The following SORCS1 variants were observed in gnomAD, a reference collection of about 807,000 sequenced individuals.
SORCS1 encodes VPS10 domain-containing receptor SorCS1.
A neutral mutation model predicts 146.1 loss-of-function variants in SORCS1; 60 were observed. The observed-to-expected ratio is 0.41, with a 90% confidence interval of 0.33 to 0.51. The LOEUF (loss-of-function observed/expected upper bound fraction) is 0.51, where lower values mean the gene tolerates loss of function less well. Ranked by LOEUF, SORCS1 falls within the 20% of genes least tolerant of loss-of-function variation. SORCS1 has a pLI of 0.21. For missense variants in SORCS1, 1,352 were observed against 1,487.6 expected, an observed-to-expected ratio of 0.91 and a Z score of 1.50; for synonymous variants, 637 against 584.0, an observed-to-expected ratio of 1.09 and a Z score of -1.31.
rs966690897 is a variant in SORCS1, at chr10:106,785,723, C to T, written c.727-9031G>A. Among the ~76,000 whole-genome samples the T allele has an allele frequency of 2.0e-5, 3 of 152,158 alleles. No individual in the cohort carries two copies. The East Asian group carries it at 5.8e-4, about 29-fold the overall frequency. On this transcript the variant is annotated intron_variant, in intron 3 of 25. Transcript: ENST00000263054. ...TTCCTGAAAAGACTACGGAGACCAC[C>T]AGGGATTTCTCTTATACAGGATTTG...
At chr10:107,114,859 C>G (rs976958502) in intron 1 of SORCS1, among the ~76,000 whole-genome samples, 1 of 152,010 alleles carries the variant, frequency 6.6e-6, no homozygotes, top group Non-Finnish European at 1.5e-5. Context: ...AAAACTTAAA[C>G]ATTCTACCAA....
At position 106,871,723 on chromosome 10, in the gene SORCS1, A is replaced by G. The variant is rs548670070; in HGVS notation, c.627-42050T>C. ...TCATGAACACCAACAAGGGAATAAT[A>G]GATTCTGGGGTGTAATTGAAGGTGG... On this transcript the variant is annotated intron_variant, in intron 2 of 25. Transcript: ENST00000263054. 4.6e-5 allele frequency among the ~76,000 whole-genome samples: 7 copies of G among 152,314 alleles called. No individual in the cohort carries two copies. The South Asian group carries it at 1.2e-3, about 27-fold the overall frequency.
chr10:107,008,811 C>G (rs1957562223), intron 1 of SORCS1, among the ~76,000 whole-genome samples: 1 of 152,272 alleles, frequency 6.6e-6, no homozygotes, highest in Non-Finnish European at 1.5e-5. Context: ...TCCTGGCCAA[C>G]ATGGTGAAAC....
chr10:106,944,309 T>G (rs1276862843), intron 2 of SORCS1, among the ~76,000 whole-genome samples: 1 of 152,216 alleles, frequency 6.6e-6, no homozygotes, highest in East Asian at 1.9e-4. Context: ...ACACACAGAC[T>G]GTATTGTGAT....
intron 1 of SORCS1, among the ~76,000 whole-genome samples, chr10:107,010,173 G>C (rs1957635349): frequency 6.6e-6 from 1 of 152,234 alleles, no homozygotes; most frequent in African/African-American, 2.4e-5. Flanking sequence ...AAGCCATGGA[G>C]TTTGTAAGCA....
At chr10:106,623,937 G>GC (rs1465480105) in intron 19 of SORCS1, among the ~76,000 whole-genome samples, 2 of 151,888 alleles carry the variant, frequency 1.3e-5, no homozygotes, top group Non-Finnish European at 2.9e-5. Context: ...ACCCACCTCG[G>GC]CCCCCCCAAA....
At chr10:106,704,028 A>G (rs755102493) in intron 8 of SORCS1, among the ~76,000 whole-genome samples, 7 of 152,116 alleles carry the variant, frequency 4.6e-5, no homozygotes, top group Non-Finnish European at 8.8e-5. Flanking sequence ...TCAAAGTAAA[A>G]CTTTTTCCTT....
At chr10:106,613,532 A>C (rs1190061333) in intron 21 of SORCS1, among the ~76,000 whole-genome samples, 2 of 152,130 alleles carry the variant, frequency 1.3e-5, no homozygotes, top group Admixed American at 1.3e-4. Flanking sequence ...TGGAAGGTGG[A>C]GCCCTAGCCC....
chr10:106,992,785 T>C (rs183574161), intron 1 of SORCS1, among the ~76,000 whole-genome samples: 23 of 147,744 alleles, frequency 1.6e-4, no homozygotes, highest in African/African-American at 5.5e-4. Flanking sequence ...CATGCACCAC[T>C]ACACCAGGCC....
intron 16 of SORCS1, among the ~76,000 whole-genome samples, chr10:106,668,082 T>C (rs1851307685): frequency 6.6e-6 from 1 of 152,176 alleles, no homozygotes; most frequent in Admixed American, 6.5e-5. Context: ...TGTGCTCTCA[T>C]TAGAACGATA....
chr10:106,715,031 C>T (rs573975193), intron 6 of SORCS1, among the ~76,000 whole-genome samples: 13 of 152,152 alleles, frequency 8.5e-5, no homozygotes, highest in African/African-American at 2.7e-4. Context: ...ACAGTCTGCC[C>T]GTGGTAAAGT....
At position 106,858,401 on chromosome 10, in the gene SORCS1, C is replaced by T. The variant is rs565156474; in HGVS notation, c.627-28728G>A. Among the ~76,000 whole-genome samples the T allele has an allele frequency of 1.1e-4, 17 of 151,754 alleles. No individual in the cohort carries two copies. The East Asian group carries it at 3.1e-3, about 28-fold the overall frequency. On this transcript the variant is annotated intron_variant, in intron 2 of 25. Transcript: ENST00000263054. ...TGGGGAAGCCGAGGCAGGCGGATCACGAGGTCAGGAGATTGAGACCATCCT... is the reference window on the plus strand; with the variant it reads ...TGGGGAAGCCGAGGCAGGCGGATCATGAGGTCAGGAGATTGAGACCATCCT...
chr10:107,070,287 G>A (rs1181414895), intron 1 of SORCS1, among the ~76,000 whole-genome samples: 1 of 150,118 alleles, frequency 6.7e-6, no homozygotes. Flanking sequence ...TGTGTGTGTG[G>A]ACTTATGTTT....
intron 3 of SORCS1, among the ~76,000 whole-genome samples, chr10:106,825,318 C>T (rs1017981302): frequency 7.1e-6 from 1 of 141,108 alleles, no homozygotes. Flanking sequence ...GTCACCCAGG[C>T]TGGAGTGCAG....
intron 1 of SORCS1, among the ~76,000 whole-genome samples, chr10:107,142,485 A>G (rs7897278): frequency 0.21 from 32,388 of 152,142 alleles, 4,110 homozygotes; most frequent in African/African-American, 0.35. Flanking sequence ...GAAGAAAGTA[A>G]ATGTCCTCTA....
intron 6 of SORCS1, among the ~76,000 whole-genome samples, chr10:106,711,137 C>G (rs1854950960): frequency 1.3e-5 from 2 of 152,024 alleles, no homozygotes; most frequent in African/African-American, 4.8e-5. Flanking sequence ...CTGTTGTGTC[C>G]ACCAGATCCT....
chr10:107,157,238 C>T (rs903322696), intron 1 of SORCS1, among the ~76,000 whole-genome samples: 4 of 151,984 alleles, frequency 2.6e-5, no homozygotes, highest in African/African-American at 7.3e-5. Context: ...TGTTCTAACT[C>T]TTGCCTGTGA....
intron 2 of SORCS1, among the ~76,000 whole-genome samples, chr10:106,945,889 G>A (rs1042742805): frequency 6.6e-6 from 1 of 152,220 alleles, no homozygotes; most frequent in African/African-American, 2.4e-5. Context: ...TCTTTTGGAT[G>A]AATACATGCA....
chr10:107,085,542 A>T (rs1316268410), intron 1 of SORCS1, among the ~76,000 whole-genome samples: 2 of 152,208 alleles, frequency 1.3e-5, no homozygotes, highest in Non-Finnish European at 2.9e-5. Context: ...ATCAAATAAC[A>T]TCCTCATTAA....
Sources: gnomAD v4.1 joint callset for allele counts (sites outside exome capture counted in the v4.1 genomes callset) on GRCh38, gnomAD v4.1.1 for gene constraint, MANE v1.5 for transcripts, NCBI Gene and HGNC (gene_info 2026-07-23, HGNC 2026-07-21) for gene names.